The following ADGRF5 variants were observed in gnomAD, a reference collection of about 807,000 sequenced individuals.
ADGRF5 encodes G-protein coupled receptor 116.
Under a neutral mutation model 132.3 loss-of-function variants are expected in ADGRF5, and 75 were observed. The observed-to-expected ratio is 0.57, with a 90% CI of 0.47 to 0.69. The LOEUF is 0.69. Ranked by LOEUF, ADGRF5 falls within the 30% of genes least tolerant of loss-of-function variation. ADGRF5 has a pLI of 0.00. For synonymous variants in ADGRF5, 629 were observed against 597.6 expected (o/e 1.05, Z -0.77); for missense variants, 1,516 against 1,630.6 (o/e 0.93, Z 1.21).
chr6:46,926,975 G>A lies in ADGRF5; in HGVS notation c.-24-20189C>T, dbSNP rs926408491. 1.4e-4 allele frequency among the ~76,000 whole-genome samples: 22 copies of A among 152,162 alleles called. No individual in the cohort carries two copies. The South Asian group carries it at 2.3e-3, about 16-fold the overall frequency. Reference sequence around the variant, plus strand: ...CTGGGTGCGGGCACTCTCCAATGGCGGATACCATATACTGCAGTAACAGCG... The same window carrying A: ...CTGGGTGCGGGCACTCTCCAATGGCAGATACCATATACTGCAGTAACAGCG... On this transcript the variant is annotated intron_variant, in intron 1 of 20. Coordinates refer to the ADGRF5 transcript ENST00000265417.
chr6:46,877,116 T>C (rs959439606), intron 10 of ADGRF5, among the ~76,000 whole-genome samples: 1 of 152,252 alleles, frequency 6.6e-6, no homozygotes, highest in Non-Finnish European at 1.5e-5. Context: ...AAACTCTGCC[T>C]GACTAGCTCA....
intron 1 of ADGRF5, among the ~76,000 whole-genome samples, chr6:46,944,196 C>T (rs1324770940): frequency 6.6e-6 from 1 of 152,162 alleles, no homozygotes; most frequent in African/African-American, 2.4e-5. Flanking sequence ...CAGGATAAAA[C>T]CGTTCAGATC....
intron 1 of ADGRF5, among the ~76,000 whole-genome samples, chr6:46,918,015 C>G (rs1776576900): frequency 6.6e-6 from 1 of 152,206 alleles, no homozygotes; most frequent in East Asian, 1.9e-4. Context: ...TTTGCAATTC[C>G]ACAGCACTTA....
chr6:46,910,717 A>C (rs1174293870), intron 1 of ADGRF5, among the ~76,000 whole-genome samples: 2 of 152,096 alleles, frequency 1.3e-5, no homozygotes, highest in Non-Finnish European at 2.9e-5. Context: ...AAACAAACAA[A>C]CAAACAAACA....
intron 1 of ADGRF5, among the ~76,000 whole-genome samples, chr6:46,917,608 C>T (rs1270294260): frequency 2.0e-5 from 3 of 152,206 alleles, no homozygotes; most frequent in African/African-American, 7.2e-5. Flanking sequence ...GTCCCTGGCA[C>T]ATAGCAAATA....
At position 46,895,737 on chromosome 6, in the gene ADGRF5, C is replaced by T. The variant is rs549558623; in HGVS notation, c.157+4292G>A. Among the ~76,000 whole-genome samples the T allele has an allele frequency of 4.0e-5, 6 of 151,798 alleles. No individual in the cohort carries two copies. The South Asian group carries it at 1.3e-3, about 32-fold the overall frequency. On this transcript the variant is annotated intron_variant, in intron 3 of 20. Coordinates refer to ENST00000283296, the MANE Select transcript of ADGRF5 (RefSeq NM_001098518.2). ...CAGCACCAGGCTCCAAGACACGCCC[C>T]TTCTGTCAGAAAGCTGGAGTGGAGA...
At chr6:46,896,788 A>G (rs1774227903) in intron 3 of ADGRF5, among the ~76,000 whole-genome samples, 2 of 151,900 alleles carry the variant, frequency 1.3e-5, no homozygotes, top group Non-Finnish European at 2.9e-5. Flanking sequence ...GATTCAACCA[A>G]TCTCAGATGG....
At chr6:46,906,565 G>C in intron 2 of ADGRF5, 96 bp downstream of exon 2, 1 of 722,614 alleles carries the variant, frequency 1.4e-6, no homozygotes, top group South Asian at 1.7e-5. Context: ...TCCCCCTAAA[G>C]TTTTTTCTCC....
chr6:46,910,097 C>G (rs975671477), intron 1 of ADGRF5, among the ~76,000 whole-genome samples: 3 of 151,956 alleles, frequency 2.0e-5, no homozygotes, highest in African/African-American at 7.3e-5. Flanking sequence ...CTTCATCAGC[C>G]CTGAGATCAG....
intron 14 of ADGRF5, among the ~76,000 whole-genome samples, chr6:46,864,285 G>C (rs76120870): frequency 2.6e-3 from 389 of 152,256 alleles, no homozygotes; most frequent in African/African-American, 8.7e-3. Context: ...ATTATGTGAT[G>C]GCAAATTGAC....
In ADGRF5 at chr6:46,871,880, T is replaced by A. The variant is rs778453991; in HGVS notation, c.1374A>T (p.Arg458Ser). The change falls in exon 11 of 21, where the codon AGA (arginine) becomes AGT (serine). Residue 458 changes from arginine to serine, a missense_variant. Transcript: ENST00000283296. ...ATGTCACTTTTATGTTTGCACTGCCTCTGGCTCCATAGGCACTGATGAACT... is the reference window on the plus strand; with the variant it reads ...ATGTCACTTTTATGTTTGCACTGCCACTGGCTCCATAGGCACTGATGAACT... ...TCEFISAYGA[R>S]GSANIKVTFI... is the part of the protein sequence containing the mutation. The A allele has an allele frequency of 6.2e-7, 1 of 1,610,378 alleles. No individual in the cohort carries two copies. The highest frequency in any genetic ancestry group is 1.1e-5 in the South Asian group (1 of 90,664).
chr6:46,923,674 G>A (rs935972824), upstream of ADGRF5, among the ~76,000 whole-genome samples: 11 of 152,172 alleles, frequency 7.2e-5, no homozygotes, highest in Admixed American at 1.3e-4. Context: ...TTGTCAAAGT[G>A]GCTGTCCCTT....
rs1206823414 is a variant in ADGRF5, at chr6:46,854,239, G to A, written c.3962-168C>T. On this transcript the variant is annotated intron_variant, in intron 20 of 20. Coordinates refer to ENST00000283296, the MANE Select transcript of ADGRF5 (RefSeq NM_001098518.2). ...CTCCTCCCAAGACCCAGAAATGCCA[G>A]AAAACTAACAGAGCTGTCGTTCTCA... 3.3e-5 allele frequency among the ~76,000 whole-genome samples: 5 copies of A among 152,184 alleles called. No individual in the cohort carries two copies. The East Asian group carries it at 9.6e-4, about 29-fold the overall frequency.
At chr6:46,867,729 AG>A (rs1484034691) in intron 12 of ADGRF5, among the ~76,000 whole-genome samples, 1 of 152,180 alleles carries the variant, frequency 6.6e-6, no homozygotes, top group East Asian at 1.9e-4. Flanking sequence ...GCTCTGGAAA[AG>A]TCAGAAGCAG....
chr6:46,949,849 C>T (rs569001280), intron 1 of ADGRF5, among the ~76,000 whole-genome samples: 1 of 152,044 alleles, frequency 6.6e-6, no homozygotes, highest in Non-Finnish European at 1.5e-5. Context: ...AAAGAGTAAC[C>T]CAAGAAGAGT....
chr6:46,877,317 C>T (rs1314445576), intron 10 of ADGRF5, among the ~76,000 whole-genome samples: 7 of 25,836 alleles, frequency 2.7e-4, no homozygotes, highest in Admixed American at 1.2e-3. Context: ...TTCCTTCCTT[C>T]CTTCCTTCTT....
At chr6:46,895,185 A>G (rs1774042262) in intron 3 of ADGRF5, among the ~76,000 whole-genome samples, 1 of 152,200 alleles carries the variant, frequency 6.6e-6, no homozygotes, top group African/African-American at 2.4e-5. Context: ...TCAAAAAAAA[A>G]GAAACGCTAA....
Position 46,889,621 on chromosome 6 carries a change from G to A in ADGRF5, c.158-1116C>T, listed in dbSNP as rs188577700. Reference sequence around the variant, plus strand: ...TCTGGCCTGCCTGAGGTAGGTGTGTGTTGAGGAACAGATCCACCTTGACTA... The same window carrying A: ...TCTGGCCTGCCTGAGGTAGGTGTGTATTGAGGAACAGATCCACCTTGACTA... On this transcript the variant is annotated intron_variant, in intron 3 of 20. Coordinates refer to ENST00000283296, the MANE Select transcript of ADGRF5 (RefSeq NM_001098518.2). 2.2e-4 allele frequency among the ~76,000 whole-genome samples: 32 copies of A among 145,256 alleles called. 1 individual carries two copies. In the East Asian group the frequency reaches 4.0e-3, roughly 18 times the overall value.
At position 46,865,040 on chromosome 6, in the gene ADGRF5, AC is replaced by A; in HGVS notation, c.1990+1del. Reference sequence around the variant, plus strand: ...TCTTAAAGTAATTTAAAACGTTCTTACCAGGAACCAGATTCAGCTTCATAGA... The same window carrying A: ...TCTTAAAGTAATTTAAAACGTTCTTACAGGAACCAGATTCAGCTTCATAGA... On this transcript the variant is annotated splice_donor_variant, in intron 14 of 20. Coordinates refer to ENST00000283296, the MANE Select transcript of ADGRF5 (RefSeq NM_001098518.2). LOFTEE classifies it high-confidence loss of function. The A allele has an allele frequency of 6.3e-7, 1 of 1,591,900 alleles. No homozygotes were observed. The highest frequency in any genetic ancestry group is 8.6e-7 in the Non-Finnish European group (1 of 1,166,812).
Sources: allele counts gnomAD v4.1 joint callset (sites outside exome capture counted in the v4.1 genomes callset), GRCh38; gene constraint gnomAD v4.1.1; transcripts MANE v1.5; gene names NCBI Gene and HGNC (gene_info 2026-07-23, HGNC 2026-07-21).